The following PDE10A variants were observed in gnomAD, a reference collection of about 807,000 sequenced individuals.
PDE10A encodes the protein phosphodiesterase 10A, also known as cAMP and cAMP-inhibited cGMP 3',5'-cyclic phosphodiesterase 10A.
PDE10A carries 39 observed loss-of-function variants against 97.7 expected under a neutral mutation model. The observed-to-expected ratio is 0.40, with a 90% CI of 0.31 to 0.52. PDE10A has a LOEUF of 0.52. Among genes scored for constraint, PDE10A ranks in the 20% least tolerant of loss-of-function variants. PDE10A has a pLI of 0.56. For synonymous variants in PDE10A, 371 were observed against 376.8 expected (o/e 0.98, Z 0.18); for missense variants, 731 against 1,047.8 (o/e 0.70, Z 4.17).
intron 1 of PDE10A, among the ~76,000 whole-genome samples, chr6:165,734,913 T>C (rs1157447590): frequency 6.6e-6 from 1 of 152,176 alleles, no homozygotes; most frequent in Non-Finnish European, 1.5e-5. Flanking sequence ...TCGGATTCTG[T>C]ATTAGGATTA....
intron 1 of PDE10A, among the ~76,000 whole-genome samples, chr6:165,715,056 G>A (rs1005127768): frequency 1.2e-4 from 19 of 152,256 alleles, no homozygotes; most frequent in South Asian, 4.1e-4. Flanking sequence ...CACGGGCCGC[G>A]AGGGTAGAGT....
intron 1 of PDE10A, among the ~76,000 whole-genome samples, chr6:165,753,908 A>G (rs2128456511): frequency 6.6e-6 from 1 of 152,356 alleles, no homozygotes; most frequent in African/African-American, 2.4e-5. Flanking sequence ...AAACTCAAAC[A>G]TGTCAAACTA....
chr6:165,415,412 C>A (rs1157002411), intron 12 of PDE10A, among the ~76,000 whole-genome samples: 1 of 152,172 alleles, frequency 6.6e-6, no homozygotes, highest in Non-Finnish European at 1.5e-5. Flanking sequence ...TGCTGTCAAA[C>A]TACTGTAAAT....
At chr6:165,540,022 T>C (rs774507818) in intron 2 of PDE10A, among the ~76,000 whole-genome samples, 25 of 152,184 alleles carry the variant, frequency 1.6e-4, no homozygotes, top group Non-Finnish European at 2.9e-4. Flanking sequence ...TGTGTCCCCA[T>C]AGTATGAGAA....
At chr6:165,386,158 G>C (rs1238522133) in intron 17 of PDE10A, among the ~76,000 whole-genome samples, 1 of 152,108 alleles carries the variant, frequency 6.6e-6, no homozygotes, top group African/African-American at 2.4e-5. Flanking sequence ...ACATCGCGGA[G>C]GGTTTGCCAA....
chr6:165,775,654 A>T (rs1351918031), intron 1 of PDE10A: 3 of 152,326 alleles, frequency 2.0e-5, no homozygotes, highest in Admixed American at 6.5e-5. Context: ...TGTTGGGGGA[A>T]AAAAGTCGTA....
intron 1 of PDE10A, among the ~76,000 whole-genome samples, chr6:165,731,434 C>CAG (rs10670150): frequency 0.015 from 2,248 of 152,162 alleles, 54 homozygotes; most frequent in African/African-American, 0.051. Context: ...TGAAAGTCTG[C>CAG]AGAGAGAGTT....
In PDE10A at chr6:165,978,396, C is replaced by T. The variant is rs189539211; in HGVS notation, c.-615+9133G>A. On this transcript the variant is annotated intron_variant, in intron 1 of 19. Transcript: ENST00000366882. ...GAATAATCAGAGTTTATTACTACTT[C>T]TCTTTACAGTGGAGAAGTCTAGCAG... is the stretch of plus-strand genomic sequence containing the variant. 2.0e-5 allele frequency among the ~76,000 whole-genome samples: 3 copies of T among 152,324 alleles called. No individual in the cohort carries two copies. The East Asian group carries it at 5.8e-4, about 29-fold the overall frequency.
intron 1 of PDE10A, chr6:165,894,632 G>T: frequency 2.3e-6 from 1 of 431,954 alleles, no homozygotes. Context: ...AAGAAGATAA[G>T]CAGTCTTCCC....
At chr6:165,914,833 A>G (rs1367222915) in intron 1 of PDE10A, among the ~76,000 whole-genome samples, 1 of 152,232 alleles carries the variant, frequency 6.6e-6, no homozygotes, top group Non-Finnish European at 1.5e-5. Flanking sequence ...AACTATGTTT[A>G]AGACCAGAAA....
chr6:165,694,534 G>A (rs1791392263), intron 1 of PDE10A, among the ~76,000 whole-genome samples: 1 of 152,184 alleles, frequency 6.6e-6, no homozygotes, highest in South Asian at 2.1e-4. Flanking sequence ...ACAGCCACAG[G>A]TGGGGCAGGA....
At chr6:165,783,157 T>C (rs1778390964) in intron 1 of PDE10A, among the ~76,000 whole-genome samples, 1 of 152,230 alleles carries the variant, frequency 6.6e-6, no homozygotes, top group African/African-American at 2.4e-5. Context: ...TAAGTGTTTA[T>C]TGAGTAGATG....
chr6:165,557,709 C>G (rs1784325427), intron 1 of PDE10A, among the ~76,000 whole-genome samples: 1 of 152,110 alleles, frequency 6.6e-6, no homozygotes, highest in African/African-American at 2.4e-5. Context: ...TAGACTTCCT[C>G]TATAAAAGGA....
intron 1 of PDE10A, among the ~76,000 whole-genome samples, chr6:165,850,765 A>G (rs753893819): frequency 1.3e-5 from 2 of 152,224 alleles, no homozygotes; most frequent in African/African-American, 4.8e-5. Context: ...TTTCAACCAC[A>G]TAATTTATTT....
chr6:165,579,911 C>T (rs985503613), intron 1 of PDE10A, among the ~76,000 whole-genome samples: 3 of 152,072 alleles, frequency 2.0e-5, no homozygotes, highest in African/African-American at 4.8e-5. Context: ...AAAATGTCAC[C>T]GTCTCAAATG....
intron 1 of PDE10A, among the ~76,000 whole-genome samples, chr6:165,831,348 G>A (rs1403478240): frequency 8.4e-6 from 1 of 118,866 alleles, no homozygotes; most frequent in Admixed American, 8.9e-5. Flanking sequence ...CTCCAGCCTG[G>A]GCGAGAGAGC....
intron 1 of PDE10A, among the ~76,000 whole-genome samples, chr6:165,624,896 T>C (rs936730738): frequency 6.6e-6 from 1 of 152,212 alleles, no homozygotes; most frequent in Non-Finnish European, 1.5e-5. Flanking sequence ...CATGAGTTAG[T>C]CTGGGGAGAC....
intron 1 of PDE10A, among the ~76,000 whole-genome samples, chr6:165,790,895 A>G (rs1778630170): frequency 1.3e-5 from 2 of 152,158 alleles, no homozygotes; most frequent in South Asian, 4.2e-4. Flanking sequence ...TAACATTTTA[A>G]GAATACAATG....
At chr6:165,815,671 C>G (rs1470217609) in intron 1 of PDE10A, among the ~76,000 whole-genome samples, 1 of 152,102 alleles carries the variant, frequency 6.6e-6, no homozygotes, top group Non-Finnish European at 1.5e-5. Flanking sequence ...CTCTTTTTTT[C>G]TGGTTTTTCC....
Sources: gnomAD v4.1 joint callset for allele counts (sites outside exome capture counted in the v4.1 genomes callset) on GRCh38, gnomAD v4.1.1 for gene constraint, MANE v1.5 for transcripts, NCBI Gene and HGNC (gene_info 2026-07-23, HGNC 2026-07-21) for gene names.